The following NUP214 variants were observed in gnomAD, a reference collection of about 807,000 sequenced individuals.
The protein encoded by NUP214 is nuclear pore complex protein Nup214.
NUP214 carries 79 observed loss-of-function variants against 196.2 expected under a neutral mutation model. That is an observed-to-expected ratio of 0.40 (90% confidence interval 0.34 to 0.49). The LOEUF is 0.49. Ranked by LOEUF, NUP214 falls within the 20% of genes least tolerant of loss-of-function variation. The pLI, the probability that NUP214 is intolerant of heterozygous loss-of-function variation, is 0.58. For missense variants in NUP214, 2,468 were observed against 2,539.0 expected, an observed-to-expected ratio of 0.97 and a Z score of 0.60; for synonymous variants, 1,020 against 990.5, an observed-to-expected ratio of 1.03 and a Z score of -0.56.
chr9:131,223,988 C>A (rs886755373), intron 32 of NUP214, among the ~76,000 whole-genome samples: 32 of 151,336 alleles, frequency 2.1e-4, no homozygotes, highest in African/African-American at 7.5e-4. Context: ...CCCGCCTCGG[C>A]CTCCCAACGT....
At chr9:131,211,055 C>T (rs1834228583) in intron 30 of NUP214, among the ~76,000 whole-genome samples, 2 of 152,152 alleles carry the variant, frequency 1.3e-5, no homozygotes. Flanking sequence ...AATTGTAGAA[C>T]CAGTACTGAA....
chr9:131,136,089 G>A, intron 9 of NUP214, 83 bp downstream of exon 9: 3 of 1,109,080 alleles, frequency 2.7e-6, no homozygotes, highest in Non-Finnish European at 2.6e-6. Flanking sequence ...TGTCCAGGCT[G>A]GAGTGCAGTG....
At chr9:131,128,253 T>C (rs1481956223) in intron 2 of NUP214, 79 bp from the exon 3 acceptor site, 12 of 1,416,826 alleles carry the variant, frequency 8.5e-6, no homozygotes, top group Non-Finnish European at 1.1e-5. Context: ...AAAAATTTTT[T>C]CACATCGAAC....
At chr9:131,175,731 A>G in intron 23 of NUP214, 110 bp downstream of exon 23, 1 of 1,411,646 alleles carries the variant, frequency 7.1e-7, no homozygotes, top group South Asian at 1.5e-5. Context: ...TGCCCTTCAG[A>G]AGAGAAGATT....
Position 131,198,039 on chromosome 9 carries a change from C to G in NUP214, c.4545C>G (p.Ala1515=). 6.2e-7 allele frequency: 1 copy of G among 1,614,240 alleles called. No individual in the cohort carries two copies. Among genetic ancestry groups the G allele is most frequent in the Non-Finnish European group, 8.5e-7 (1 of 1,180,036 alleles). Residue 1515 remains alanine (A), a synonymous_variant, in exon 29 of 36, where the codon GCC becomes GCG. Transcript: ENST00000359428. ...PGDSEVSASA[A]SLLEEQQSAQ... ...ACAGTGAGGTCTCAGCATCAGCAGC[C>G]TCACTTCTAGAGGAGCAACAGTCAG...
chr9:131,181,621 G>T (rs1187607450), intron 24 of NUP214, among the ~76,000 whole-genome samples: 1 of 152,156 alleles, frequency 6.6e-6, no homozygotes, highest in Non-Finnish European at 1.5e-5. Flanking sequence ...TTATTGGCCA[G>T]TTGTATCTTT....
intron 21 of NUP214, 89 bp downstream of exon 21, chr9:131,164,233 G>A: frequency 6.2e-6 from 7 of 1,124,910 alleles, no homozygotes; most frequent in Non-Finnish European, 9.4e-6. Context: ...GTGTGCATGT[G>A]TGAGCTAGGG....
intron 7 of NUP214, among the ~76,000 whole-genome samples, chr9:131,134,483 G>A (rs1326390187): frequency 2.0e-5 from 3 of 152,028 alleles, no homozygotes; most frequent in Non-Finnish European, 4.4e-5. Flanking sequence ...AAGATTAGAG[G>A]TTTTTTCTAT....
At chr9:131,176,857 C>G (rs1349293901) in intron 23 of NUP214, among the ~76,000 whole-genome samples, 3 of 152,120 alleles carry the variant, frequency 2.0e-5, no homozygotes, top group Non-Finnish European at 4.4e-5. Context: ...CAACTAGAGG[C>G]TGCCCCCACT....
In NUP214 at chr9:131,232,290, G is replaced by A; in HGVS notation, c.6221G>A (p.Ser2074Asn). 1.2e-6 allele frequency: 2 copies of A among 1,614,172 alleles called. No individual in the cohort carries two copies. The highest frequency in any genetic ancestry group is 1.7e-6 in the Non-Finnish European group (2 of 1,180,014). Residue 2074 changes from serine to asparagine, a missense_variant, in exon 35 of 36, where the codon AGC becomes AAC. Physicochemically the swap from Ser to Asn is conservative, Grantham distance 46. Coordinates refer to ENST00000359428, the MANE Select transcript of NUP214 (RefSeq NM_005085.4). This position sits in a 1 kb window ranked among gnomAD's most constrained non-coding sequence, Gnocchi z 5.1. ...CTCTTATTCTGCTTTTCAGGGTTCAGCTTTGGGTCAAATAACTCGTAAGTA... is the reference window on the plus strand; with the variant it reads ...CTCTTATTCTGCTTTTCAGGGTTCAACTTTGGGTCAAATAACTCGTAAGTA... ...SGFGSGTGGF[S>N]FGSNNSSVQG...
chr9:131,179,733 T>C (rs1833214831), intron 24 of NUP214, among the ~76,000 whole-genome samples: 1 of 152,174 alleles, frequency 6.6e-6, no homozygotes, highest in South Asian at 2.1e-4. Context: ...CACTGCTTGT[T>C]TGAGGAATTT....
intron 25 of NUP214, among the ~76,000 whole-genome samples, 164 bp downstream of exon 25, chr9:131,187,528 A>G (rs1358107169): frequency 1.3e-5 from 2 of 151,926 alleles, no homozygotes; most frequent in Non-Finnish European, 2.9e-5. Flanking sequence ...TTGGGATTAC[A>G]GGCACCCACC....
In NUP214 at chr9:131,130,804, A is replaced by G. The variant is rs1831523511; in HGVS notation, c.631A>G (p.Lys211Glu). The G allele has an allele frequency of 3.1e-6, 5 of 1,614,204 alleles. No individual in the cohort carries two copies. The highest frequency in any genetic ancestry group is 4.2e-6 in the Non-Finnish European group (5 of 1,180,022). ...CAAAGGAAAGCAGCTGGCAGTGGGA[A>G]AACAGAATGGAACTGTGGTCCAGTA... ...SPKGKQLAVG[K>E]QNGTVVQYLP... The change falls in exon 5 of 36, where the codon AAA becomes GAA. Residue 211 changes from lysine to glutamate, a missense_variant. Transcript: ENST00000359428.
chr9:131,153,014 C>T (rs1832320400), intron 17 of NUP214: 1 of 152,138 alleles, frequency 6.6e-6, no homozygotes, highest in Non-Finnish European at 1.5e-5. Flanking sequence ...GAGCTCAAGT[C>T]ACCCTCCTGT....
chr9:131,195,882 A>G (rs1222629039), intron 28 of NUP214, among the ~76,000 whole-genome samples: 1 of 152,050 alleles, frequency 6.6e-6, no homozygotes, highest in Non-Finnish European at 1.5e-5. Flanking sequence ...AAAATTAGCC[A>G]GCCGTGGTGG....
intron 7 of NUP214, chr9:131,133,504 A>G (rs1212816045): frequency 5.0e-6 from 1 of 199,228 alleles, no homozygotes; most frequent in African/African-American, 2.3e-5. Context: ...GAGTTTCACC[A>G]TGTTGCCCAG....
At position 131,146,441 on chromosome 9, in the gene NUP214, T is replaced by C; in HGVS notation, c.1945+137T>C. The stretch of plus-strand genomic sequence containing the variant: ...TCCTGTATCATACATTAATGATTAA[T>C]GTGCTGTGATTTTCATACTCTGAAT... On this transcript the variant is annotated intron_variant, in intron 13 of 35. Transcript: ENST00000359428. The surrounding 1 kb of genome is among the most constrained non-coding windows in gnomAD (Gnocchi z 4.6). The C allele has an allele frequency of 1.2e-6, 1 of 849,126 alleles. No homozygotes were observed. Among genetic ancestry groups the C allele is most frequent in the East Asian group, 2.5e-5 (1 of 40,344 alleles). 52.6% of individuals were successfully genotyped at this position (849,126 alleles called of 1,614,324 possible). A position where few individuals can be genotyped will look rare whatever the true frequency, so the allele number is the denominator to read the frequency against.
In NUP214 at chr9:131,163,901, G is replaced by C. The variant is rs746978305; in HGVS notation, c.2755G>C (p.Ala919Pro). ...CAGTGACCTGGAAAGCCTGTGCAAT[G>C]CTTTGTTGAAAACCACCATAGAATC... ...FDSDLESLCN[A>P]LLKTTIESHT... Residue 919 changes from alanine to proline, a missense_variant, in exon 20 of 36, where the codon GCT (alanine) becomes CCT (proline). By Grantham distance (27) the Ala-to-Pro change is conservative. This residue lies in a region of NUP214 where 1,801 missense variants were observed against 1,779.4 expected (regional missense o/e 1.01). Coordinates refer to ENST00000359428, the MANE Select transcript of NUP214 (RefSeq NM_005085.4). 6.2e-6 allele frequency: 10 copies of C among 1,614,142 alleles called. No individual in the cohort carries two copies. The highest frequency in any genetic ancestry group is 8.5e-6 in the Non-Finnish European group (10 of 1,180,014).
Position 131,133,095 on chromosome 9 carries a change from G to C in NUP214, c.728-11G>C, listed in dbSNP as rs746419202. The C allele has an allele frequency of 1.3e-6, 2 of 1,595,166 alleles. No homozygotes were observed. The highest frequency in any genetic ancestry group is 1.7e-6 in the Non-Finnish European group (2 of 1,163,822). On this transcript the variant is annotated splice_polypyrimidine_tract_variant and intron_variant, in intron 6 of 35. Transcript: ENST00000359428. ...ATTTTTATGAGCTACTGATTAAGATGTGTCTTTCAGTTCTGGATGTGCTGT... is the reference window on the plus strand; with the variant it reads ...ATTTTTATGAGCTACTGATTAAGATCTGTCTTTCAGTTCTGGATGTGCTGT...
Sources: gnomAD v4.1 joint callset for allele counts (sites outside exome capture counted in the v4.1 genomes callset) on GRCh38, gnomAD v4.1.1 for gene constraint, gnomAD v4.1.1 regional missense constraint, Gnocchi (gnomAD v3.1) non-coding constraint, MANE v1.5 for transcripts, NCBI Gene and HGNC (gene_info 2026-07-23, HGNC 2026-07-21) for gene names.